PPWD1: variants seen among roughly 807,000 people sequenced by gnomAD.
The protein encoded by PPWD1 is peptidylprolyl isomerase domain and WD repeat-containing protein 1.
Under a neutral mutation model 68.8 loss-of-function variants are expected in PPWD1, and 43 were observed. The ratio of observed to expected loss-of-function variants is 0.62; its 90% confidence interval spans 0.49 to 0.81. PPWD1 has a LOEUF of 0.81. Among genes scored for constraint, PPWD1 ranks in the 30% least tolerant of loss-of-function variants. The pLI is 0.00. For synonymous variants in PPWD1, 232 were observed against 258.7 expected (o/e 0.90, Z 0.99); for missense variants, 672 against 804.8 (o/e 0.83, Z 2.00).
chr5:65,571,769 TG>T, intron 4 of PPWD1, 69 bp from the exon 5 acceptor site: 1 of 1,534,328 alleles, frequency 6.5e-7, no homozygotes. Context: ...TTTTTGGTAG[TG>T]GGATAGGGAG....
At chr5:65,577,921 G>T (rs1160548505) in intron 6 of PPWD1, among the ~76,000 whole-genome samples, 1 of 152,124 alleles carries the variant, frequency 6.6e-6, no homozygotes, top group African/African-American at 2.4e-5. Context: ...TTCACCCTTG[G>T]TGTTGTATAT....
intron 5 of PPWD1, among the ~76,000 whole-genome samples, chr5:65,576,579 T>C (rs1348936342): frequency 6.6e-6 from 1 of 152,092 alleles, no homozygotes; most frequent in African/African-American, 2.4e-5. Context: ...GGTTTCACCA[T>C]GTTGGCCAGG....
At chr5:65,564,777 G>C (rs1752632697) in intron 1 of PPWD1, among the ~76,000 whole-genome samples, 1 of 152,074 alleles carries the variant, frequency 6.6e-6, no homozygotes, top group South Asian at 2.1e-4. Flanking sequence ...AATCGGTCTT[G>C]TACTTTTTTT....
rs1045296695 is a variant in PPWD1, at chr5:65,569,636, G to C, written c.304G>C (p.Asp102His). 1.3e-6 allele frequency: 2 copies of C among 1,575,986 alleles called. No homozygotes were observed. The highest frequency in any genetic ancestry group is 1.7e-6 in the Non-Finnish European group (2 of 1,148,812). Reference sequence around the variant, plus strand: ...TTTAACATTTCATATATGCAGAACAGATTTTATTATTACTGCCAGTCATGA... The same window carrying C: ...TTTAACATTTCATATATGCAGAACACATTTTATTATTACTGCCAGTCATGA... ...VITHVVCTKT[D>H]FIITASHDGH... The change falls in exon 3 of 11, where the codon GAT becomes CAT. Residue 102 changes from aspartate to histidine, a missense_variant. This residue lies in a region of PPWD1 where 188 missense variants were observed against 158.6 expected (regional missense o/e 1.19). Transcript: ENST00000261308.
At chr5:65,571,177 T>G (rs1752993212) in intron 4 of PPWD1, among the ~76,000 whole-genome samples, 1 of 152,144 alleles carries the variant, frequency 6.6e-6, no homozygotes, top group African/African-American at 2.4e-5. Flanking sequence ...CTGGAAGGTT[T>G]TGAACATCAG....
intron 6 of PPWD1, among the ~76,000 whole-genome samples, chr5:65,578,706 TTATA>T (rs1319952808): frequency 7.0e-6 from 1 of 143,506 alleles, no homozygotes; most frequent in South Asian, 2.2e-4. Context: ...TAAGAGTTCT[TTATA>T]TATATGTATA....
rs776181466 is a variant in PPWD1, at chr5:65,572,006, G to A, written c.689G>A (p.Arg230Gln). The A allele has an allele frequency of 6.0e-5, 97 of 1,613,822 alleles. No individual in the cohort carries two copies. Among genetic ancestry groups the A allele is most frequent in the African/African-American group, 8.0e-5 (6 of 74,882 alleles). ...KLHTSPLTQI[R>Q]LNPVYKAVVS... The stretch of plus-strand genomic sequence containing the variant: ...CATACATCACCTCTTACTCAGATAC[G>A]GCTAAACCCAGTTTACAAAGCAGTA... The change falls in exon 5 of 11, where the codon CGG (arginine) becomes CAG (glutamine). Residue 230 changes from arginine (R) to glutamine (Q), a missense_variant. Arg to Gln is a conservative substitution (Grantham distance 43, BLOSUM62 1). This residue lies in a region of PPWD1 where 484 missense variants were observed against 646.2 expected (regional missense o/e 0.75). Transcript: ENST00000261308.
At chr5:65,564,294 A>G (rs1467843789) in intron 1 of PPWD1, among the ~76,000 whole-genome samples, 1 of 149,822 alleles carries the variant, frequency 6.7e-6, no homozygotes, top group East Asian at 1.9e-4. Flanking sequence ...AAAAACTTCA[A>G]TGATTTGTCA....
At chr5:65,587,055 T>G in intron 10 of PPWD1, 198 bp from the exon 11 acceptor site, 1 of 228,586 alleles carries the variant, frequency 4.4e-6, no homozygotes, top group Non-Finnish European at 7.2e-6. Context: ...CATTATACTA[T>G]GCTTCTATTT....
chr5:65,582,967 CT>C, intron 7 of PPWD1, 70 bp from the exon 8 acceptor site: 1 of 1,439,940 alleles, frequency 6.9e-7, no homozygotes, highest in Non-Finnish European at 9.2e-7. Context: ...ATTAGAAATT[CT>C]ATTGTTCATA....
In PPWD1 at chr5:65,578,952, T is replaced by C. The variant is rs556163388; in HGVS notation, c.1161-472T>C. On this transcript the variant is annotated intron_variant, in intron 6 of 10. Transcript: ENST00000261308. The stretch of plus-strand genomic sequence containing the variant: ...GTTTTTTATTGAGATGGAGTCTTGT[T>C]CTGTCACCCAGGCTGGAGAGCAGTG... Among the ~76,000 whole-genome samples the C allele has an allele frequency of 3.9e-5, 6 of 152,152 alleles. No homozygotes were observed. In the East Asian group the frequency reaches 1.2e-3, roughly 29 times the overall value.
chr5:65,582,209 T>G (rs151717), intron 7 of PPWD1, among the ~76,000 whole-genome samples: 1 of 152,206 alleles, frequency 6.6e-6, no homozygotes, highest in African/African-American at 2.4e-5. Context: ...AGATAGAGGT[T>G]GCTTAGGAGA....
intron 8 of PPWD1, among the ~76,000 whole-genome samples, chr5:65,583,476 A>AC (rs1220187470): frequency 1.3e-5 from 2 of 152,178 alleles, no homozygotes; most frequent in Admixed American, 6.5e-5. Context: ...GTAAACTGTA[A>AC]AGTGATACAC....
At chr5:65,587,165 C>A in intron 10 of PPWD1, 88 bp from the exon 11 acceptor site, 1 of 1,368,550 alleles carries the variant, frequency 7.3e-7, no homozygotes, top group Non-Finnish European at 9.8e-7. Context: ...GGAGCGTAAA[C>A]TTAAATTCTC....
chr5:65,563,799 A>G (rs1347001109), intron 1 of PPWD1: 2 of 1,503,500 alleles, frequency 1.3e-6, no homozygotes, highest in East Asian at 2.5e-5. Flanking sequence ...TTTACTCCCC[A>G]CAGCAGCCAC....
intron 2 of PPWD1, chr5:65,569,027 T>C (rs1425419043): frequency 4.4e-6 from 2 of 455,710 alleles, no homozygotes; most frequent in Non-Finnish European, 8.8e-6. Flanking sequence ...AACTATTTCC[T>C]ACTTATAAAA....
rs755671981 is a variant in PPWD1, at chr5:65,572,259, C to T, written c.942C>T (p.Leu314=). The T allele has an allele frequency of 6.2e-7, 1 of 1,610,526 alleles. No individual in the cohort carries two copies. The highest frequency in any genetic ancestry group is 8.5e-7 in the Non-Finnish European group (1 of 1,177,390). The change falls in exon 5 of 11, where the codon CTC becomes CTT. Residue 314 remains leucine (L), a synonymous_variant. Transcript: ENST00000261308. ...VRIFRFVTGK[L]MRVFDESLSM... ...TTTTCAGATTTGTAACTGGAAAACT[C>T]ATGAGAGTCTTTGATGAATCACTAA...
At position 65,579,389 on chromosome 5, in the gene PPWD1, T is replaced by C. The variant is rs747542306; in HGVS notation, c.1161-35T>C. On this transcript the variant is annotated intron_variant, in intron 6 of 10. Transcript: ENST00000261308. ...TTGTCATAATTGGAATTAACTTCGG[T>C]GATTCTGTTGTATAAAACATTGTTA... is the stretch of plus-strand genomic sequence containing the variant. The C allele has an allele frequency of 4.9e-6, 7 of 1,422,280 alleles. No homozygotes were observed. In the Admixed American group the frequency reaches 1.6e-4, roughly 33 times the overall value. The allele number at this position is 1,422,280 out of a possible 1,614,324, so 88.1% of individuals were successfully genotyped here.
intron 8 of PPWD1, 125 bp from the exon 9 acceptor site, chr5:65,584,889 A>C (rs887267408): frequency 1.4e-5 from 20 of 1,385,630 alleles, no homozygotes; most frequent in African/African-American, 1.5e-5. Context: ...AAAAAAAAAA[A>C]CAACTGTCCT....
Sources: allele counts gnomAD v4.1 joint callset (sites outside exome capture counted in the v4.1 genomes callset), GRCh38; gene constraint gnomAD v4.1.1; regional missense constraint gnomAD v4.1.1; transcripts MANE v1.5; gene names NCBI Gene and HGNC (gene_info 2026-07-23, HGNC 2026-07-21).